The following GRID1 variants were observed in gnomAD, a reference collection of about 807,000 sequenced individuals.
The protein encoded by GRID1 is glutamate receptor ionotropic, delta-1.
In GRID1, 28 loss-of-function variants were observed where a neutral mutation model predicts 98.0. The ratio of observed to expected loss-of-function variants is 0.29; its 90% CI spans 0.21 to 0.39. GRID1 has a LOEUF of 0.39. Among genes scored for constraint, GRID1 ranks in the 10% least tolerant of loss-of-function variants. The pLI is 1.00. For synonymous variants in GRID1, 553 were observed against 538.5 expected (o/e 1.03, Z -0.37); for missense variants, 1,111 against 1,340.5 (o/e 0.83, Z 2.67).
At chr10:85,787,661 C>T (rs1390080985) in intron 8 of GRID1, among the ~76,000 whole-genome samples, 1 of 152,198 alleles carries the variant, frequency 6.6e-6, no homozygotes, top group Admixed American at 6.5e-5. Flanking sequence ...ACCACCCACT[C>T]GTGTGGACCA....
intron 2 of GRID1, among the ~76,000 whole-genome samples, chr10:86,211,103 T>C (rs549468832): frequency 1.3e-5 from 2 of 152,356 alleles, no homozygotes; most frequent in Admixed American, 6.5e-5. Flanking sequence ...GATGGCTCCC[T>C]CTTCACAGGG....
rs758259284 is a variant in GRID1, at chr10:85,613,658, C to T, written c.2361-11G>A. On this transcript the variant is annotated splice_polypyrimidine_tract_variant and intron_variant, in intron 14 of 15. Transcript: ENST00000327946. ...TGCAGCTCCAGGATCCTGTAAGACACAATCAAGGTGAGCTATAGCCACTGA... is the reference window on the plus strand; with the variant it reads ...TGCAGCTCCAGGATCCTGTAAGACATAATCAAGGTGAGCTATAGCCACTGA... 6.2e-7 allele frequency: 1 copy of T among 1,610,288 alleles called. No homozygotes were observed. Among genetic ancestry groups the T allele is most frequent in the Non-Finnish European group, 8.5e-7 (1 of 1,177,238 alleles).
chr10:86,197,075 G>A (rs891197613), intron 3 of GRID1, among the ~76,000 whole-genome samples: 1 of 152,060 alleles, frequency 6.6e-6, no homozygotes, highest in African/African-American at 2.4e-5. Flanking sequence ...CATGGAACTA[G>A]TTGGGGAAAG....
chr10:85,876,220 C>T (rs1843329815), intron 5 of GRID1, among the ~76,000 whole-genome samples: 1 of 151,974 alleles, frequency 6.6e-6, no homozygotes, highest in Non-Finnish European at 1.5e-5. Flanking sequence ...GACCAAAATC[C>T]ATTTCACTGG....
chr10:85,778,932 C>T (rs1014976035), intron 8 of GRID1, among the ~76,000 whole-genome samples: 1 of 152,042 alleles, frequency 6.6e-6, no homozygotes, highest in African/African-American at 2.4e-5. Context: ...GGAATAAAGA[C>T]AGCATCTCCA....
intron 2 of GRID1, among the ~76,000 whole-genome samples, chr10:86,271,252 A>G (rs936473171): frequency 2.0e-5 from 3 of 152,252 alleles, no homozygotes; most frequent in Admixed American, 6.5e-5. Context: ...CCTCAGTAGT[A>G]GTAGCTCTGT....
intron 4 of GRID1, among the ~76,000 whole-genome samples, chr10:86,102,281 T>A (rs1844307251): frequency 6.6e-6 from 1 of 152,246 alleles, no homozygotes; most frequent in East Asian, 1.9e-4. Flanking sequence ...ATGCCAGCAA[T>A]GGCTTAGACC....
In GRID1 at chr10:86,366,536, C is replaced by CCCCTGCG. The variant is rs1834389278; in HGVS notation, c.-151_-145dup. On this transcript the variant is annotated 5_prime_UTR_variant, in exon 1 of 16. Transcript: ENST00000327946. This position sits in a 1 kb window ranked among gnomAD's most constrained non-coding sequence, Gnocchi z 4.1. ...CCGTGCGTCTTCCCCCGCGCGCCCG[C>CCCCTGCG]CCCTGCGCCCTGCGCCCGCCCCAGC... 5.6e-6 allele frequency: 2 copies of CCCCTGCG among 357,972 alleles called. No homozygotes were observed. The highest frequency in any genetic ancestry group is 2.2e-5 in the African/African-American group (1 of 45,650). 22.2% of individuals were successfully genotyped at this position (357,972 alleles called of 1,614,324 possible).
intron 2 of GRID1, among the ~76,000 whole-genome samples, chr10:86,212,818 A>G (rs1372192282): frequency 1.3e-5 from 2 of 152,238 alleles, no homozygotes; most frequent in African/African-American, 2.4e-5. Flanking sequence ...TATTGTCATA[A>G]CTCATAGTAA....
At chr10:86,207,541 C>G (rs1402140713) in intron 2 of GRID1, among the ~76,000 whole-genome samples, 2 of 151,972 alleles carry the variant, frequency 1.3e-5, no homozygotes, top group Non-Finnish European at 2.9e-5. Context: ...CCTCCCAACG[C>G]TGCAACCCAC....
intron 4 of GRID1, among the ~76,000 whole-genome samples, chr10:85,950,968 G>A (rs976995918): frequency 6.6e-6 from 1 of 151,500 alleles, no homozygotes; most frequent in Non-Finnish European, 1.5e-5. Context: ...GAGACGTCTG[G>A]AGTTAGGAGC....
At chr10:85,778,263 A>G (rs1217860096) in intron 8 of GRID1, among the ~76,000 whole-genome samples, 1 of 151,964 alleles carries the variant, frequency 6.6e-6, no homozygotes, top group Non-Finnish European at 1.5e-5. Context: ...ACAAGCAGAA[A>G]CTCCAGTGGG....
chr10:86,057,933 T>C (rs1426226753), intron 4 of GRID1, among the ~76,000 whole-genome samples: 2 of 152,182 alleles, frequency 1.3e-5, no homozygotes, highest in African/African-American at 4.8e-5. Flanking sequence ...GCATGCGGTG[T>C]GCGCTCCAGA....
chr10:86,114,355 T>A (rs745321820), intron 4 of GRID1, among the ~76,000 whole-genome samples: 2 of 152,090 alleles, frequency 1.3e-5, no homozygotes, highest in African/African-American at 4.8e-5. Context: ...GGGAAGGCAG[T>A]GGAGAGGTGG....
chr10:85,994,570 G>C (rs1020897942), intron 4 of GRID1, among the ~76,000 whole-genome samples: 3 of 152,186 alleles, frequency 2.0e-5, no homozygotes, highest in Non-Finnish European at 4.4e-5. Context: ...CTGAAATGAA[G>C]AAATAGAGGT....
Position 86,365,377 on chromosome 10 carries a change from G to T in GRID1, c.79+937C>A, listed in dbSNP as rs1291845458. Among the ~76,000 whole-genome samples, 1 of 148,938 alleles carries T rather than the reference G, an allele frequency of 6.7e-6. No individual in the cohort carries two copies. The highest frequency in any genetic ancestry group is 2.5e-5 in the African/African-American group (1 of 40,024). ...GACTCCCCCAAAGCGACCGCTGTCA[G>T]CCCCCCAACTCGGCCCAACTTCCCG... On this transcript the variant is annotated intron_variant, in intron 1 of 15. Coordinates refer to ENST00000327946, the MANE Select transcript of GRID1 (RefSeq NM_017551.3). The surrounding 1 kb of genome is among the most constrained non-coding windows in gnomAD (Gnocchi z 4.8).
intron 4 of GRID1, among the ~76,000 whole-genome samples, chr10:85,981,947 C>T (rs1311592305): frequency 6.6e-6 from 1 of 152,152 alleles, no homozygotes; most frequent in Non-Finnish European, 1.5e-5. Flanking sequence ...TGTGATGAGG[C>T]AGCATTGTGC....
chr10:86,203,319 T>C (rs1024802781), intron 3 of GRID1, among the ~76,000 whole-genome samples: 2 of 152,020 alleles, frequency 1.3e-5, no homozygotes, highest in Non-Finnish European at 2.9e-5. Flanking sequence ...CTTGGCTGTA[T>C]TAGCAATGTG....
intron 4 of GRID1, among the ~76,000 whole-genome samples, chr10:85,923,251 A>T (rs1207503687): frequency 6.6e-6 from 1 of 152,168 alleles, no homozygotes; most frequent in Admixed American, 6.5e-5. Context: ...AGGGAAAAGC[A>T]GTTGAACATG....
Sources: gnomAD v4.1 joint callset for allele counts (sites outside exome capture counted in the v4.1 genomes callset) on GRCh38, gnomAD v4.1.1 for gene constraint, Gnocchi (gnomAD v3.1) non-coding constraint, MANE v1.5 for transcripts, NCBI Gene and HGNC (gene_info 2026-07-23, HGNC 2026-07-21) for gene names.